Variants in IL33 observed in about 807,000 individuals in gnomAD.
IL33 encodes interleukin 33, also known as interleukin-33.
IL33 carries 37 observed loss-of-function variants against 27.3 expected under a neutral mutation model. The observed-to-expected ratio is 1.36, with a 90% CI of 1.04 to 1.78. The LOEUF is 1.78. Ranked by LOEUF, IL33 falls within the 40% of genes most tolerant of loss-of-function variation. The pLI, the probability that IL33 is intolerant of heterozygous loss-of-function variation, is 0.00. For synonymous variants in IL33, 132 were observed against 102.9 expected (o/e 1.28, Z -1.71); for missense variants, 406 against 311.4 (o/e 1.30, Z -2.29).
Position 6,250,599 on chromosome 9 carries a change from G to C in IL33, c.217G>C (p.Gly73Arg). ...ETTKRPSLKT[G>R]RKHKRHLVLA... ...CACCAAAAGGCCTTCACTGAAAACA[G>C]GTAAGGGGAACCGTACATTCTCTGG... Residue 73 changes from glycine (G) to arginine (R), a missense_variant and splice_region_variant, in exon 3 of 8, where the codon GGT (glycine) becomes CGT (arginine). Transcript: ENST00000682010. The C allele has an allele frequency of 6.2e-7, 1 of 1,612,578 alleles. No homozygotes were observed. The highest frequency in any genetic ancestry group is 8.5e-7 in the Non-Finnish European group (1 of 1,179,458).
At chr9:6,244,343 CCTCTT>C (rs1384052696) in intron 2 of IL33, among the ~76,000 whole-genome samples, 1 of 152,112 alleles carries the variant, frequency 6.6e-6, no homozygotes, top group Non-Finnish European at 1.5e-5. Flanking sequence ...ATTGTCCTCC[CCTCTT>C]ATTTGCAGGA....
intron 1 of IL33, among the ~76,000 whole-genome samples, chr9:6,233,038 T>C (rs547230819): frequency 6.6e-6 from 1 of 152,366 alleles, no homozygotes; most frequent in Non-Finnish European, 1.5e-5. Context: ...ATTTTGACCA[T>C]TTTTAAGTGT....
chr9:6,253,466 A>G (rs1816528738), intron 5 of IL33, 86 bp from the exon 6 acceptor site: 1 of 848,668 alleles, frequency 1.2e-6, no homozygotes. Context: ...AAAGGGGAGG[A>G]TATTTTCTGA....
In IL33 at chr9:6,257,957, T is replaced by C. The variant is rs1316239415; in HGVS notation, c.*1789T>C. On this transcript the variant is annotated 3_prime_UTR_variant, in exon 8 of 8. Coordinates refer to ENST00000682010, the MANE Select transcript of IL33 (RefSeq NM_033439.4). ...TATATCTACTACATTGTTTATATTA[T>C]TGAATAAAGTATATTTTCCAAATGT... 2 of 152,192 alleles carry C rather than the reference T, an allele frequency of 1.3e-5. No homozygotes were observed. Among genetic ancestry groups the C allele is most frequent in the East Asian group, 3.8e-4 (2 of 5,200 alleles). The allele number at this position is 152,192 out of a possible 1,614,324, so 9.4% of individuals were successfully genotyped here.
intron 1 of IL33, among the ~76,000 whole-genome samples, chr9:6,223,696 T>C (rs1168293956): frequency 1.3e-5 from 2 of 152,192 alleles, no homozygotes; most frequent in East Asian, 1.9e-4. Flanking sequence ...AGATTATACT[T>C]ACATGAAAAA....
At chr9:6,246,579 A>G (rs1427953260) in intron 2 of IL33, among the ~76,000 whole-genome samples, 1 of 152,120 alleles carries the variant, frequency 6.6e-6, no homozygotes, top group Non-Finnish European at 1.5e-5. Flanking sequence ...AAAAATAAAA[A>G]AAAAGAGAGG....
At chr9:6,239,678 C>T (rs772801555) in intron 1 of IL33, among the ~76,000 whole-genome samples, 21 of 152,032 alleles carry the variant, frequency 1.4e-4, no homozygotes, top group Non-Finnish European at 2.5e-4. Context: ...TTGGTGTGTC[C>T]ACCTTCCTTG....
rs368700168 is a variant in IL33 at position 6,256,122 on chromosome 9, A to C, written c.767A>C (p.Glu256Ala). ...HLALIKVDSS[E>A]NLCTENILFK... ...GCTCTGATTAAAGTAGACTCTTCTG[A>C]GAATTTGTGTACTGAAAATATCTTG... Residue 256 changes from glutamate (E) to alanine (A), a missense_variant, in exon 8 of 8, where the codon GAG becomes GCG. Transcript: ENST00000682010. The C allele has an allele frequency of 2.4e-5, 38 of 1,613,348 alleles. No homozygotes were observed. Among genetic ancestry groups the C allele is most frequent in the Non-Finnish European group, 3.1e-5 (37 of 1,179,568 alleles).
intron 1 of IL33, among the ~76,000 whole-genome samples, chr9:6,234,102 C>T (rs1482693820): frequency 6.6e-6 from 1 of 152,222 alleles, no homozygotes; most frequent in African/African-American, 2.4e-5. Context: ...CGTTTCTCCT[C>T]TTTCCCCTTA....
At chr9:6,233,510 T>C (rs1819031257) in intron 1 of IL33, among the ~76,000 whole-genome samples, 2 of 152,194 alleles carry the variant, frequency 1.3e-5, no homozygotes, top group African/African-American at 4.8e-5. Context: ...TCTTTCTGCA[T>C]TGAAGCATAC....
Position 6,252,910 on chromosome 9 carries a change from A to T in IL33, c.388A>T (p.Asn130Tyr), listed in dbSNP as rs761041021. ...GTATCTTGCTTCTCTAAGCACATAC[A>T]ATGATCAATCCATTACTTTTGCTTT... ...TEYLASLSTY[N>Y]DQSITFALED... The change falls in exon 5 of 8, where the codon AAT becomes TAT. Residue 130 changes from asparagine (N) to tyrosine (Y), a missense_variant. Asn to Tyr is a moderately radical substitution (Grantham distance 143). Transcript: ENST00000682010. 2 of 1,607,850 alleles carry T rather than the reference A, an allele frequency of 1.2e-6. No homozygotes were observed. Among genetic ancestry groups the T allele is most frequent in the Admixed American group, 1.7e-5 (1 of 59,588 alleles).
intron 4 of IL33, among the ~76,000 whole-genome samples, 156 bp from the exon 5 acceptor site, chr9:6,252,710 T>C (rs1397714619): frequency 6.6e-6 from 1 of 152,208 alleles, no homozygotes; most frequent in Non-Finnish European, 1.5e-5. Flanking sequence ...CATCTCAGCC[T>C]TTTAGCTATG....
intron 7 of IL33, among the ~76,000 whole-genome samples, chr9:6,255,326 G>C (rs1816662053): frequency 6.6e-6 from 1 of 152,050 alleles, no homozygotes; most frequent in South Asian, 2.1e-4. Context: ...ATAGTAACCA[G>C]CATCTTCCTA....
At position 6,256,140 on chromosome 9, in the gene IL33, A is replaced by G; in HGVS notation, c.785A>G (p.Asn262Ser). The G allele has an allele frequency of 1.2e-6, 2 of 1,613,388 alleles. No individual in the cohort carries two copies. The highest frequency in any genetic ancestry group is 1.1e-5 in the South Asian group (1 of 91,034). Reference sequence around the variant, plus strand: ...TCTTCTGAGAATTTGTGTACTGAAAATATCTTGTTTAAGCTCTCTGAAACT... The same window carrying G: ...TCTTCTGAGAATTTGTGTACTGAAAGTATCTTGTTTAAGCTCTCTGAAACT... ...VDSSENLCTE[N>S]ILFKLSET The change falls in exon 8 of 8, where the codon AAT becomes AGT. Residue 262 changes from asparagine to serine, a missense_variant. Physicochemically the swap from Asn to Ser is conservative, Grantham distance 46. Transcript: ENST00000682010.
chr9:6,223,596 A>G (rs1004076149), intron 1 of IL33, among the ~76,000 whole-genome samples: 4 of 152,180 alleles, frequency 2.6e-5, no homozygotes, highest in Admixed American at 2.0e-4. Flanking sequence ...AATGTTTTAA[A>G]CAATTCAACC....
Position 6,250,569 on chromosome 9 carries a change from G to C in IL33, c.187G>C (p.Glu63Gln). 6.2e-7 allele frequency: 1 copy of C among 1,613,906 alleles called. No individual in the cohort carries two copies. The highest frequency in any genetic ancestry group is 8.5e-7 in the Non-Finnish European group (1 of 1,179,882). The change falls in exon 3 of 8, where the codon GAA becomes CAA. Residue 63 changes from glutamate to glutamine, a missense_variant. Physicochemically the swap from Glu to Gln is conservative, Grantham distance 29. Transcript: ENST00000682010. ...AAAGGAGGCCTGTTACTTTAGGAGA[G>C]AAACCACCAAAAGGCCTTCACTGAA... ...IKKEACYFRR[E>Q]TTKRPSLKTG...
Position 6,253,187 on chromosome 9 carries a change from G to A in IL33, c.469+196G>A, listed in dbSNP as rs571582557. 5.9e-5 allele frequency among the ~76,000 whole-genome samples: 9 copies of A among 152,236 alleles called. No homozygotes were observed. The East Asian group carries it at 1.7e-3, about 29-fold the overall frequency. ...AAGATGGATTCAGAAGCTTTGTCAC[G>A]TTCATCAGAGAAGAATGCTGACATT... On this transcript the variant is annotated intron_variant, in intron 5 of 7. Coordinates refer to ENST00000682010, the MANE Select transcript of IL33 (RefSeq NM_033439.4).
chr9:6,226,266 C>G (rs1288140465), intron 1 of IL33, among the ~76,000 whole-genome samples: 1 of 152,042 alleles, frequency 6.6e-6, no homozygotes, highest in Non-Finnish European at 1.5e-5. Context: ...CATCCCACCT[C>G]AGCTTCCAAA....
intron 1 of IL33, among the ~76,000 whole-genome samples, chr9:6,228,191 T>C (rs1818734791): frequency 6.6e-6 from 1 of 152,130 alleles, no homozygotes; most frequent in Admixed American, 6.6e-5. Flanking sequence ...GGCTCATACC[T>C]CTAATCCAAG....
Sources: allele counts gnomAD v4.1 joint callset (sites outside exome capture counted in the v4.1 genomes callset), GRCh38; gene constraint gnomAD v4.1.1; transcripts MANE v1.5; gene names NCBI Gene and HGNC (gene_info 2026-07-23, HGNC 2026-07-21).